The following SUGCT variants were observed in gnomAD, a reference collection of about 807,000 sequenced individuals.
The protein encoded by SUGCT is succinyl-CoA:glutarate-CoA transferase.
SUGCT carries 41 observed loss-of-function variants against 55.0 expected under a neutral mutation model. The observed-to-expected ratio is 0.74, with a 90% CI of 0.58 to 0.97. The LOEUF (loss-of-function observed/expected upper bound fraction) is 0.97. Ranked by LOEUF, SUGCT falls within the 50% of genes least tolerant of loss-of-function variation. SUGCT has a pLI of 0.00. For missense variants in SUGCT, 568 were observed against 547.8 expected (o/e 1.04, Z -0.37); for synonymous variants, 187 against 200.4 (o/e 0.93, Z 0.56).
intron 12 of SUGCT, among the ~76,000 whole-genome samples, chr7:40,580,610 A>C (rs901858259): frequency 6.6e-6 from 1 of 152,336 alleles, no homozygotes; most frequent in South Asian, 2.1e-4. Context: ...AAATTAGACC[A>C]TCATGACTTC....
chr7:40,593,229 G>A lies in SUGCT; in HGVS notation c.1089+96843G>A, dbSNP rs537179997. ...CAGCTCTGTCCTTGGCCTAGAGCCC[G>A]TGGGATTCTAGTGGGAACCCCTCTC... On this transcript the variant is annotated intron_variant, in intron 12 of 13. Coordinates refer to ENST00000335693, the MANE Select transcript of SUGCT (RefSeq NM_001193313.2). Among the ~76,000 whole-genome samples, 8 of 152,294 alleles carry A rather than the reference G, an allele frequency of 5.3e-5. No homozygotes were observed. In the East Asian group the frequency reaches 5.8e-4, roughly 11 times the overall value.
At chr7:40,274,484 C>A (rs1489447372) in intron 7 of SUGCT, 29 bp from the exon 8 acceptor site, 9 of 1,594,114 alleles carry the variant, frequency 5.6e-6, no homozygotes, top group Middle Eastern at 1.7e-4. Context: ...TTAATTATTT[C>A]TTCTTTCTCA....
chr7:40,850,241 T>C (rs898307430), intron 13 of SUGCT, among the ~76,000 whole-genome samples: 11 of 152,166 alleles, frequency 7.2e-5, no homozygotes, highest in African/African-American at 2.7e-4. Context: ...GCCACAGGAC[T>C]GTCTGAGTGT....
At chr7:40,194,623 A>G (rs1487220629) in intron 5 of SUGCT, among the ~76,000 whole-genome samples, 1 of 152,222 alleles carries the variant, frequency 6.6e-6, no homozygotes, top group Non-Finnish European at 1.5e-5. Context: ...GTGTACTTAC[A>G]TTCTAATTTT....
intron 13 of SUGCT, among the ~76,000 whole-genome samples, chr7:40,761,203 T>C (rs892526198): frequency 5.9e-5 from 9 of 152,326 alleles, no homozygotes; most frequent in African/African-American, 2.2e-4. Flanking sequence ...TGGGAGATCC[T>C]GAGGCTGCCA....
intron 5 of SUGCT, among the ~76,000 whole-genome samples, chr7:40,190,801 A>C (rs1031115657): frequency 6.6e-6 from 1 of 152,124 alleles, no homozygotes; most frequent in Non-Finnish European, 1.5e-5. Context: ...ACATATACCA[A>C]AATCTGTGCA....
chr7:40,795,679 TG>T (rs1790518541), intron 13 of SUGCT, among the ~76,000 whole-genome samples: 1 of 152,148 alleles, frequency 6.6e-6, no homozygotes, highest in Non-Finnish European at 1.5e-5. Context: ...AGTTTCTAGT[TG>T]GCAAGGAGCA....
chr7:40,922,609 CTG>C, the SUGCT span, among the ~76,000 whole-genome samples: 3 of 152,320 alleles, frequency 2.0e-5, no homozygotes, highest in African/African-American at 7.2e-5. Flanking sequence ...TCAACAATGA[CTG>C]TAGCTTCTCT....
chr7:40,815,790 G>A (rs1378909749), intron 13 of SUGCT, among the ~76,000 whole-genome samples: 2 of 152,182 alleles, frequency 1.3e-5, no homozygotes, highest in Non-Finnish European at 2.9e-5. Flanking sequence ...GGGCATGTCA[G>A]GCTGCTGATA....
intron 12 of SUGCT, among the ~76,000 whole-genome samples, chr7:40,643,416 A>G (rs1377665296): frequency 2.0e-5 from 3 of 152,142 alleles, no homozygotes; most frequent in Non-Finnish European, 4.4e-5. Context: ...TCTGGAAACT[A>G]TAGTGTGAAG....
chr7:40,419,358 C>T (rs1044022546), intron 9 of SUGCT, among the ~76,000 whole-genome samples: 1 of 152,026 alleles, frequency 6.6e-6, no homozygotes, highest in African/African-American at 2.4e-5. Flanking sequence ...CAACTCTAAG[C>T]CTAGACAAAA....
intron 12 of SUGCT, among the ~76,000 whole-genome samples, chr7:40,607,151 C>T (rs1166958900): frequency 1.3e-5 from 2 of 150,058 alleles, no homozygotes; most frequent in Admixed American, 6.7e-5. Context: ...GTCAGCCAGG[C>T]TGGAGTGCAG....
At chr7:40,905,694 T>C in the SUGCT span, among the ~76,000 whole-genome samples, 3 of 152,240 alleles carry the variant, frequency 2.0e-5, no homozygotes, top group South Asian at 6.2e-4. Flanking sequence ...ACAAAAAATT[T>C]ACCATTTTAA....
At chr7:40,772,625 A>ATCTATCTG (rs766387486) in intron 13 of SUGCT, among the ~76,000 whole-genome samples, 1 of 141,816 alleles carries the variant, frequency 7.1e-6, no homozygotes, top group African/African-American at 2.5e-5. Flanking sequence ...CTATCTATCT[A>ATCTATCTG]TCTATCTCTA....
At chr7:40,424,633 C>T (rs186890435) in intron 9 of SUGCT, among the ~76,000 whole-genome samples, 18 of 152,158 alleles carry the variant, frequency 1.2e-4, no homozygotes, top group Admixed American at 6.5e-4. Context: ...GGGCTCAAAT[C>T]GGTTATCAGG....
chr7:40,997,285 C>T, the SUGCT span, among the ~76,000 whole-genome samples: 2 of 152,208 alleles, frequency 1.3e-5, no homozygotes, highest in Admixed American at 6.5e-5. Context: ...TTCATATGCA[C>T]ACCCACTGCC....
chr7:40,888,169 A>T, the SUGCT span, among the ~76,000 whole-genome samples: 1 of 152,332 alleles, frequency 6.6e-6, no homozygotes, highest in African/African-American at 2.4e-5. Flanking sequence ...AGAGGAACTC[A>T]TGTTCGACTG....
the SUGCT span, among the ~76,000 whole-genome samples, chr7:40,954,169 G>C: frequency 6.6e-6 from 1 of 152,190 alleles, no homozygotes; most frequent in Non-Finnish European, 1.5e-5. Context: ...CCCTCCCCCA[G>C]CCTTGCTGCT....
chr7:40,296,220 A>G (rs1433608149), intron 8 of SUGCT, among the ~76,000 whole-genome samples: 1 of 152,198 alleles, frequency 6.6e-6, no homozygotes, highest in African/African-American at 2.4e-5. Context: ...AAGATAGGTT[A>G]TTACTTATGC....
Sources: gnomAD v4.1 joint callset for allele counts (sites outside exome capture counted in the v4.1 genomes callset) on GRCh38, gnomAD v4.1.1 for gene constraint, MANE v1.5 for transcripts, NCBI Gene and HGNC (gene_info 2026-07-23, HGNC 2026-07-21) for gene names.